SAMSN1: variants seen among roughly 807,000 people sequenced by gnomAD.
The protein encoded by SAMSN1 is SAM domain-containing protein SAMSN-1.
Under a neutral mutation model 42.0 loss-of-function variants are expected in SAMSN1, and 31 were observed. That is an observed-to-expected ratio of 0.74 (90% CI 0.55 to 1.00). The LOEUF (loss-of-function observed/expected upper bound fraction) is 1.00. Ranked by LOEUF, SAMSN1 falls within the 50% of genes least tolerant of loss-of-function variation. The pLI is 0.00. For synonymous variants in SAMSN1, 178 were observed against 151.9 expected, an observed-to-expected ratio of 1.17 and a Z score of -1.26; for missense variants, 464 against 439.4, an observed-to-expected ratio of 1.06 and a Z score of -0.50.
intron 4 of SAMSN1, among the ~76,000 whole-genome samples, chr21:14,611,825 A>C (rs1982715739): frequency 6.6e-6 from 1 of 152,154 alleles, no homozygotes; most frequent in Non-Finnish European, 1.5e-5. Flanking sequence ...AGCTTTTCAG[A>C]TCTTACCAGG....
At chr21:14,546,938 T>C (rs376333885), upstream of SAMSN1, among the ~76,000 whole-genome samples, 153 of 152,254 alleles carry the variant, frequency 1.0e-3, 3 homozygotes, top group South Asian at 0.031. Flanking sequence ...CTCGATCTCC[T>C]GATCTCGTGA....
chr21:14,622,386 C>A (rs533456199), intron 2 of SAMSN1, among the ~76,000 whole-genome samples: 1 of 151,926 alleles, frequency 6.6e-6, no homozygotes, highest in Non-Finnish European at 1.5e-5. Context: ...AAAGATTAGA[C>A]GAATGGCTAA....
chr21:14,490,174 C>A (rs907487556), intron 7 of SAMSN1, among the ~76,000 whole-genome samples: 1 of 152,022 alleles, frequency 6.6e-6, no homozygotes, highest in Non-Finnish European at 1.5e-5. Flanking sequence ...AATAATACAA[C>A]CTTAAAGGCA....
upstream of SAMSN1, among the ~76,000 whole-genome samples, chr21:14,584,539 C>A (rs1250597949): frequency 6.6e-6 from 1 of 151,990 alleles, no homozygotes; most frequent in Non-Finnish European, 1.5e-5. Context: ...AGTATAGTTC[C>A]TCTTAAGGAT....
At chr21:14,533,328 G>A (rs760988015) in intron 1 of SAMSN1, among the ~76,000 whole-genome samples, 2 of 152,122 alleles carry the variant, frequency 1.3e-5, no homozygotes, top group Non-Finnish European at 2.9e-5. Flanking sequence ...ATACTGAGAC[G>A]AATGCCATAT....
chr21:14,572,157 TTATAA>T (rs922932884), intron 2 of SAMSN1, among the ~76,000 whole-genome samples: 2 of 152,150 alleles, frequency 1.3e-5, no homozygotes, highest in African/African-American at 4.8e-5. Context: ...TAATAATAAA[TTATAA>T]TTAAATGATA....
intron 2 of SAMSN1, among the ~76,000 whole-genome samples, chr21:14,635,175 C>T (rs550854427): frequency 7.0e-4 from 107 of 152,146 alleles, no homozygotes; most frequent in Non-Finnish European, 1.1e-3. Context: ...ACACCAGGGA[C>T]TGTTAGGGGG....
chr21:14,601,114 G>A (rs1035656698), intron 6 of SAMSN1, among the ~76,000 whole-genome samples: 3 of 152,146 alleles, frequency 2.0e-5, no homozygotes, highest in African/African-American at 7.2e-5. Context: ...AACAGTCAAA[G>A]CAAGATTCAA....
At chr21:14,575,709 A>G (rs1443269740) in intron 2 of SAMSN1, among the ~76,000 whole-genome samples, 1 of 152,210 alleles carries the variant, frequency 6.6e-6, no homozygotes, top group African/African-American at 2.4e-5. Context: ...AGGTCCAAAA[A>G]TAATACTACT....
intron 1 of SAMSN1, among the ~76,000 whole-genome samples, chr21:14,652,287 A>G (rs1162107437): frequency 6.6e-6 from 1 of 152,116 alleles, no homozygotes; most frequent in African/African-American, 2.4e-5. Flanking sequence ...CTGACTTCAA[A>G]TTAGACTACA....
At chr21:14,580,692 A>C (rs949308059) in intron 2 of SAMSN1, among the ~76,000 whole-genome samples, 1 of 152,246 alleles carries the variant, frequency 6.6e-6, no homozygotes, top group Non-Finnish European at 1.5e-5. Flanking sequence ...AGTTACTTTA[A>C]TTCTAGTCTT....
upstream of SAMSN1, chr21:14,658,919 C>G: frequency 1.6e-6 from 1 of 619,566 alleles, no homozygotes; most frequent in Non-Finnish European, 2.9e-6. Context: ...GATTCAGAGA[C>G]CATTATCAAA....
intron 2 of SAMSN1, among the ~76,000 whole-genome samples, chr21:14,558,992 T>G (rs1320783276): frequency 6.6e-6 from 1 of 152,180 alleles, no homozygotes; most frequent in Non-Finnish European, 1.5e-5. Context: ...AAGCATTCAT[T>G]GAAATGAAAT....
chr21:14,549,201 T>G (rs576733061), upstream of SAMSN1, among the ~76,000 whole-genome samples: 3 of 152,264 alleles, frequency 2.0e-5, no homozygotes, highest in South Asian at 6.2e-4. Flanking sequence ...ATTCAAAGCA[T>G]AGATAGAAGG....
intron 1 of SAMSN1, among the ~76,000 whole-genome samples, chr21:14,645,390 C>T (rs774700293): frequency 2.0e-5 from 3 of 152,252 alleles, no homozygotes; most frequent in Non-Finnish European, 2.9e-5. Context: ...CCAGGGAGTT[C>T]TCCCATATCT....
chr21:14,581,344 C>CTTTTTTTT (rs56728511), intron 2 of SAMSN1, among the ~76,000 whole-genome samples: 3,216 of 32,616 alleles, frequency 0.099, 1,307 homozygotes, highest in Non-Finnish European at 0.13. Flanking sequence ...AATAATATTT[C>CTTTTTTTT]TTTTTTTTTT....
At position 14,543,564 on chromosome 21, in the gene SAMSN1, T is replaced by G. The variant is rs574962253; in HGVS notation, c.57+2641A>C. Among the ~76,000 whole-genome samples the G allele has an allele frequency of 7.2e-5, 11 of 152,310 alleles. No individual in the cohort carries two copies. The South Asian group carries it at 2.3e-3, about 32-fold the overall frequency. ...TGTAAGACCTATTTGAAAATACTAA[T>G]AACAAAATCTTTCTCCATTAGCTTT... is the stretch of plus-strand genomic sequence containing the variant. On this transcript the variant is annotated intron_variant, in intron 1 of 7. Transcript: ENST00000400566.
chr21:14,624,976 C>G (rs1983123957), intron 2 of SAMSN1, among the ~76,000 whole-genome samples: 1 of 152,060 alleles, frequency 6.6e-6, no homozygotes, highest in African/African-American at 2.4e-5. Context: ...GTTCAACATA[C>G]ATGAGTCAAT....
chr21:14,596,767 C>T (rs1227156312), intron 6 of SAMSN1, among the ~76,000 whole-genome samples: 2 of 152,112 alleles, frequency 1.3e-5, no homozygotes, highest in East Asian at 3.9e-4. Flanking sequence ...TAGAAACAAA[C>T]CTTTCAGCCC....
Sources: allele counts gnomAD v4.1 joint callset (sites outside exome capture counted in the v4.1 genomes callset), GRCh38; gene constraint gnomAD v4.1.1; transcripts MANE v1.5; gene names NCBI Gene and HGNC (gene_info 2026-07-23, HGNC 2026-07-21).